The following C1orf87 variants were observed in gnomAD, a reference collection of about 807,000 sequenced individuals.
The protein encoded by C1orf87 is uncharacterized protein C1orf87.
In C1orf87, 58 loss-of-function variants were observed where a neutral mutation model predicts 60.5. That is an observed-to-expected ratio of 0.96 (90% CI 0.78 to 1.19). C1orf87 has a LOEUF of 1.19. Ranked by LOEUF, C1orf87 falls within the 50% of genes most tolerant of loss-of-function variation. The probability of loss-of-function intolerance (pLI) is 0.00; values close to 1 mark genes in which losing one functional copy is unlikely to be tolerated. For missense variants in C1orf87, 673 were observed against 638.6 expected (o/e 1.05, Z -0.58); for synonymous variants, 236 against 227.4 (o/e 1.04, Z -0.34).
In C1orf87 at chr1:60,055,418, T is replaced by C; in HGVS notation, c.128A>G (p.Lys43Arg). ...CTGGTGCATTGTTTGGGTTTCTGTTTTCAAGCTGTCATTCTCCTTGCTGTG... is the reference window on the plus strand; with the variant it reads ...CTGGTGCATTGTTTGGGTTTCTGTTCTCAAGCTGTCATTCTCCTTGCTGTG... ...KPKIKENDSL[K>R]TETQTMHQKP... is the part of the protein sequence containing the mutation. The change falls in exon 3 of 12, where the codon AAA becomes AGA. Residue 43 changes from lysine (K) to arginine (R), a missense_variant. Physicochemically the swap from Lys to Arg is conservative, Grantham distance 26. Coordinates refer to ENST00000371201, the MANE Select transcript of C1orf87 (RefSeq NM_152377.3). 28 of 1,614,168 alleles carry C rather than the reference T, an allele frequency of 1.7e-5. No homozygotes were observed. The highest frequency in any genetic ancestry group is 2.4e-5 in the Non-Finnish European group (28 of 1,180,018).
intron 6 of C1orf87, among the ~76,000 whole-genome samples, chr1:60,035,221 C>A (rs967847656): frequency 6.6e-6 from 1 of 152,216 alleles, no homozygotes; most frequent in Non-Finnish European, 1.5e-5. Context: ...TCAGACATCT[C>A]TGTTCCAGAT....
intron 3 of C1orf87, 60 bp from the exon 4 acceptor site, chr1:60,041,191 A>AG: frequency 7.2e-7 from 1 of 1,396,924 alleles, no homozygotes; most frequent in South Asian, 1.7e-5. Context: ...GAAGAGAAAG[A>AG]GGAAAGAATG....
chr1:60,070,700 A>G (rs1645578852), intron 2 of C1orf87, among the ~76,000 whole-genome samples: 3 of 152,322 alleles, frequency 2.0e-5, no homozygotes, highest in South Asian at 2.1e-4. Flanking sequence ...TTGTTGTACT[A>G]TAATAGGAGA....
chr1:60,038,237 C>T (rs1005535205), intron 5 of C1orf87, 130 bp from the exon 6 acceptor site: 2 of 507,458 alleles, frequency 3.9e-6, no homozygotes, highest in Non-Finnish European at 7.1e-6. Flanking sequence ...AATATAGTAT[C>T]ATAATTATTG....
chr1:60,052,921 C>G (rs533471837), intron 3 of C1orf87, among the ~76,000 whole-genome samples: 1 of 152,212 alleles, frequency 6.6e-6, no homozygotes, highest in African/African-American at 2.4e-5. Context: ...TTAGTCGGTC[C>G]CCACACCTCC....
At chr1:60,005,735 G>T (rs1021540587) in intron 9 of C1orf87, among the ~76,000 whole-genome samples, 1 of 151,588 alleles carries the variant, frequency 6.6e-6, no homozygotes, top group Non-Finnish European at 1.5e-5. Context: ...GGGCTAAAAG[G>T]CCCCATGGGC....
At chr1:60,044,575 TAGAGCA>T (rs1645352493) in intron 3 of C1orf87, among the ~76,000 whole-genome samples, 2 of 152,094 alleles carry the variant, frequency 1.3e-5, no homozygotes, top group South Asian at 4.2e-4. Flanking sequence ...GCTGACAAAC[TAGAGCA>T]ACAGCATGGG....
chr1:60,033,646 T>C lies in C1orf87; in HGVS notation c.864-5A>G. On this transcript the variant is annotated splice_polypyrimidine_tract_variant and splice_region_variant and intron_variant, in intron 6 of 11. Coordinates refer to ENST00000371201, the MANE Select transcript of C1orf87 (RefSeq NM_152377.3). ...CTGGAGTGCTGAGGTGGAGTGCTGA[T>C]TGTAGGGGAAATGGGGAAGGCTATG... 6.2e-7 allele frequency: 1 copy of C among 1,609,038 alleles called. No individual in the cohort carries two copies. Among genetic ancestry groups the C allele is most frequent in the Non-Finnish European group, 8.5e-7 (1 of 1,177,626 alleles).
intron 9 of C1orf87, among the ~76,000 whole-genome samples, chr1:60,008,177 C>A (rs941555231): frequency 6.6e-6 from 1 of 152,028 alleles, no homozygotes; most frequent in Non-Finnish European, 1.5e-5. Flanking sequence ...TGGAGAGTGA[C>A]ACGTTGCCTA....
At chr1:60,064,168 C>T (rs1313116210) in intron 2 of C1orf87, among the ~76,000 whole-genome samples, 1 of 144,676 alleles carries the variant, frequency 6.9e-6, no homozygotes, top group Non-Finnish European at 1.5e-5. Flanking sequence ...GACTGGCTCT[C>T]CTTGTTCTTC....
chr1:60,047,928 A>T (rs970461032), intron 3 of C1orf87, among the ~76,000 whole-genome samples: 3 of 152,140 alleles, frequency 2.0e-5, no homozygotes, highest in Non-Finnish European at 4.4e-5. Flanking sequence ...ATCATTTACA[A>T]TTGTTTCATT....
At position 59,992,224 on chromosome 1, in the gene C1orf87, CTATTTATTTATT is replaced by C. The variant is rs71582609; in HGVS notation, c.1481-1403_1481-1392del. On this transcript the variant is annotated intron_variant, in intron 11 of 11. Transcript: ENST00000371201. The stretch of plus-strand genomic sequence containing the variant: ...AAAAGAGATTGCTTCAAGTAGGGGT[CTATTTATTTATT>C]TATTTATTTATTTATTTATTTATTT... 5.9e-4 allele frequency among the ~76,000 whole-genome samples: 85 copies of C among 143,640 alleles called. 2 individuals are homozygous for C. Among genetic ancestry groups the C allele is most frequent in the African/African-American group, 1.0e-3 (41 of 39,098 alleles). The allele number at this position is 143,640 out of a possible 152,430, so 94.2% of individuals were successfully genotyped here. A position where few individuals can be genotyped will look rare whatever the true frequency, so the allele number is the denominator to read the frequency against.
At chr1:60,073,396 CA>C (rs1457823184) in intron 1 of C1orf87, among the ~76,000 whole-genome samples, 1 of 152,162 alleles carries the variant, frequency 6.6e-6, no homozygotes, top group Non-Finnish European at 1.5e-5. Context: ...AAGGCTCCTT[CA>C]CAGATTGGAA....
intron 8 of C1orf87, among the ~76,000 whole-genome samples, chr1:60,013,417 G>T (rs1007242211): frequency 6.6e-6 from 1 of 151,784 alleles, no homozygotes; most frequent in Non-Finnish European, 1.5e-5. Context: ...TAGTTTTCTT[G>T]AAATCCTCCA....
chr1:60,024,643 C>T (rs923113997), intron 8 of C1orf87, among the ~76,000 whole-genome samples: 39 of 152,056 alleles, frequency 2.6e-4, no homozygotes, highest in Non-Finnish European at 8.8e-5. Context: ...GTCTTTTTGG[C>T]CTTCTTGAAC....
chr1:60,049,402 T>C (rs1279278031), intron 3 of C1orf87, among the ~76,000 whole-genome samples: 1 of 152,134 alleles, frequency 6.6e-6, no homozygotes, highest in Non-Finnish European at 1.5e-5. Flanking sequence ...CATTTGTTTT[T>C]CTGTGAACTG....
intron 8 of C1orf87, among the ~76,000 whole-genome samples, chr1:60,022,338 G>C (rs908588439): frequency 6.6e-6 from 1 of 151,818 alleles, no homozygotes. Flanking sequence ...ACAATAGAGG[G>C]GGTGACAGGG....
chr1:60,034,072 TTC>T (rs1293412258), intron 6 of C1orf87, among the ~76,000 whole-genome samples: 1 of 152,180 alleles, frequency 6.6e-6, no homozygotes, highest in Non-Finnish European at 1.5e-5. Context: ...GCAAAGCAGA[TTC>T]CACCAGATCC....
chr1:60,033,297 C>T (rs574032894), intron 7 of C1orf87, among the ~76,000 whole-genome samples, 179 bp downstream of exon 7: 1 of 152,300 alleles, frequency 6.6e-6, no homozygotes, highest in African/African-American at 2.4e-5. Context: ...TTCACAATTC[C>T]TGTACATTTC....
Sources: gnomAD v4.1 joint callset for allele counts (sites outside exome capture counted in the v4.1 genomes callset) on GRCh38, gnomAD v4.1.1 for gene constraint, MANE v1.5 for transcripts, NCBI Gene and HGNC (gene_info 2026-07-23, HGNC 2026-07-21) for gene names.